Variants in CRADD observed in about 807,000 individuals in gnomAD.
The protein encoded by CRADD is death domain-containing protein CRADD.
CRADD carries 9 observed loss-of-function variants against 15.5 expected under a neutral mutation model. That is an observed-to-expected ratio of 0.58 (90% CI 0.35 to 1.01). The LOEUF is 1.01. Ranked by LOEUF, CRADD falls within the 50% of genes least tolerant of loss-of-function variation. The pLI is 0.02. For missense variants in CRADD, 227 were observed against 250.3 expected (o/e 0.91, Z 0.63); for synonymous variants, 118 against 107.6 (o/e 1.10, Z -0.60).
intron 2 of CRADD, among the ~76,000 whole-genome samples, chr12:93,784,770 A>G (rs1957257701): frequency 6.6e-6 from 1 of 152,162 alleles, no homozygotes; most frequent in Non-Finnish European, 1.5e-5. Context: ...CTACCTTGCA[A>G]GACGGTTAAA....
chr12:93,869,981 C>T (rs1958404257), intron 2 of CRADD, among the ~76,000 whole-genome samples: 1 of 151,588 alleles, frequency 6.6e-6, no homozygotes, highest in Admixed American at 6.6e-5. Flanking sequence ...CATATCTAGG[C>T]ACATAATTGA....
At chr12:93,820,485 C>A (rs1957757133) in intron 2 of CRADD, among the ~76,000 whole-genome samples, 1 of 151,164 alleles carries the variant, frequency 6.6e-6, no homozygotes, top group South Asian at 2.1e-4. Flanking sequence ...GAAGGCGGAG[C>A]TTGCAGTGAG....
intron 2 of CRADD, among the ~76,000 whole-genome samples, chr12:93,818,701 G>C (rs1957736615): frequency 6.6e-6 from 1 of 152,202 alleles, no homozygotes; most frequent in South Asian, 2.1e-4. Context: ...CAGACCCCTG[G>C]CAGGGAGCAG....
At chr12:93,888,349 C>T (rs1337240799) in intron 2 of CRADD, among the ~76,000 whole-genome samples, 2 of 148,654 alleles carry the variant, frequency 1.3e-5, no homozygotes, top group African/African-American at 5.0e-5. Flanking sequence ...GGCATGAACC[C>T]GGGAGGCGGA....
chr12:93,813,886 G>C (rs539273050), intron 2 of CRADD, among the ~76,000 whole-genome samples: 1 of 152,158 alleles, frequency 6.6e-6, no homozygotes, highest in Non-Finnish European at 1.5e-5. Flanking sequence ...TGGAGACTCT[G>C]AGAATAGTTA....
At chr12:93,756,338 G>C (rs1290543183) in intron 2 of CRADD, among the ~76,000 whole-genome samples, 1 of 152,186 alleles carries the variant, frequency 6.6e-6, no homozygotes, top group African/African-American at 2.4e-5. Flanking sequence ...GCGATATTAA[G>C]ATTAGTTAAG....
intron 2 of CRADD, chr12:93,708,624 A>G (rs2136855119): frequency 6.6e-6 from 1 of 152,334 alleles, no homozygotes; most frequent in South Asian, 2.1e-4. Context: ...CACTCTATCT[A>G]CTTCCTGTTC....
chr12:93,814,737 CA>C (rs1208902846), intron 2 of CRADD, among the ~76,000 whole-genome samples: 1 of 152,146 alleles, frequency 6.6e-6, no homozygotes, highest in Non-Finnish European at 1.5e-5. Flanking sequence ...AGTAAGGACA[CA>C]AGCAAAGCAT....
chr12:93,697,041 C>T (rs1432260576), intron 2 of CRADD, among the ~76,000 whole-genome samples: 2 of 152,160 alleles, frequency 1.3e-5, no homozygotes, highest in Admixed American at 1.3e-4. Flanking sequence ...TTGAAAATCA[C>T]CTGAGTAAAT....
At chr12:93,759,291 A>C (rs1464860867) in intron 2 of CRADD, among the ~76,000 whole-genome samples, 1 of 152,174 alleles carries the variant, frequency 6.6e-6, no homozygotes, top group Non-Finnish European at 1.5e-5. Flanking sequence ...AGGAGAAAAA[A>C]ATCTGTTACC....
intron 2 of CRADD, among the ~76,000 whole-genome samples, chr12:93,809,964 C>T (rs961922118): frequency 6.6e-6 from 1 of 152,286 alleles, no homozygotes; most frequent in African/African-American, 2.4e-5. Flanking sequence ...ATAACCTTCT[C>T]GCTCAACAAC....
intron 2 of CRADD, among the ~76,000 whole-genome samples, chr12:93,694,440 TACTC>T (rs1052856038): frequency 6.6e-6 from 1 of 152,158 alleles, no homozygotes; most frequent in Non-Finnish European, 1.5e-5. Flanking sequence ...TCACCACTCT[TACTC>T]AACATAATAC....
chr12:93,830,616 T>G (rs1957884273), intron 2 of CRADD, among the ~76,000 whole-genome samples: 1 of 152,206 alleles, frequency 6.6e-6, no homozygotes, highest in Non-Finnish European at 1.5e-5. Context: ...CTGCAGTCCT[T>G]TATAAATATG....
chr12:93,708,831 G>C (rs1239229514), intron 2 of CRADD: 1 of 152,266 alleles, frequency 6.6e-6, no homozygotes, highest in Non-Finnish European at 1.5e-5. Context: ...AAACTGGGTA[G>C]CTTATAAACA....
chr12:93,729,357 G>A (rs956797049), intron 2 of CRADD, among the ~76,000 whole-genome samples: 10 of 152,278 alleles, frequency 6.6e-5, no homozygotes, highest in Admixed American at 1.3e-4. Context: ...TATTGTTTAT[G>A]TTTAAAGATT....
At chr12:93,880,439 G>A (rs754309607) in intron 2 of CRADD, among the ~76,000 whole-genome samples, 3 of 152,240 alleles carry the variant, frequency 2.0e-5, no homozygotes, top group Middle Eastern at 3.4e-3. Flanking sequence ...GGAGATTGGC[G>A]GGAGAAATCA....
chr12:93,877,567 G>A (rs1305913535), intron 2 of CRADD, among the ~76,000 whole-genome samples: 1 of 152,222 alleles, frequency 6.6e-6, no homozygotes, highest in East Asian at 1.9e-4. Flanking sequence ...TGCACAAGAT[G>A]CAGTCCTTCC....
At position 93,876,346 on chromosome 12, in the gene CRADD, A is replaced by C. The variant is rs969500010; in HGVS notation, c.299-17704A>C. Among the ~76,000 whole-genome samples the C allele has an allele frequency of 2.0e-5, 3 of 152,008 alleles. No homozygotes were observed. The South Asian group carries it at 6.2e-4, about 32-fold the overall frequency. ...GTGTTCTATAACCTTCTTGTACTTG[A>C]ATGTTGATACCTTTCTCTAGGTTTG... On this transcript the variant is annotated intron_variant, in intron 2 of 2. Transcript: ENST00000548483.
At chr12:93,838,571 T>G (rs1958008611) in intron 2 of CRADD, among the ~76,000 whole-genome samples, 1 of 151,282 alleles carries the variant, frequency 6.6e-6, no homozygotes, top group Admixed American at 6.6e-5. Flanking sequence ...TCTCTTTTTT[T>G]TTTTTTTCCT....
Sources: allele counts gnomAD v4.1 joint callset (sites outside exome capture counted in the v4.1 genomes callset), GRCh38; gene constraint gnomAD v4.1.1; transcripts MANE v1.5; gene names NCBI Gene and HGNC (gene_info 2026-07-23, HGNC 2026-07-21).